ADGRL3: variants seen among roughly 807,000 people sequenced by gnomAD.
ADGRL3 encodes calcium-independent alpha-latrotoxin receptor 3.
A neutral mutation model predicts 153.5 loss-of-function variants in ADGRL3; 62 were observed. That is an observed-to-expected ratio of 0.40 (90% CI 0.33 to 0.50). ADGRL3 has a LOEUF of 0.50. Among genes scored for constraint, ADGRL3 ranks in the 20% least tolerant of loss-of-function variants. The pLI is 0.47. For missense variants in ADGRL3, 1,641 were observed against 1,859.4 expected (o/e 0.88, Z 2.16); for synonymous variants, 710 against 672.5 (o/e 1.06, Z -0.86).
chr4:62,056,734 G>A (rs1420108559), intron 25 of ADGRL3, among the ~76,000 whole-genome samples: 1 of 152,082 alleles, frequency 6.6e-6, no homozygotes, highest in Non-Finnish European at 1.5e-5. Context: ...ATACGTTAAT[G>A]TATATATTAG....
chr4:61,594,991 G>A (rs2098983206), intron 5 of ADGRL3, among the ~76,000 whole-genome samples: 4 of 152,080 alleles, frequency 2.6e-5, no homozygotes, highest in Admixed American at 2.6e-4. Flanking sequence ...CACAACCAAT[G>A]TTCACTTAAA....
At chr4:61,370,819 T>G (rs368272567) in intron 1 of ADGRL3, among the ~76,000 whole-genome samples, 16 of 152,290 alleles carry the variant, frequency 1.1e-4, no homozygotes, top group Admixed American at 2.0e-4. Flanking sequence ...TGTCTAATAT[T>G]GACAGTGGGA....
At chr4:61,356,722 TATC>T (rs939220092) in intron 1 of ADGRL3, among the ~76,000 whole-genome samples, 12 of 152,148 alleles carry the variant, frequency 7.9e-5, no homozygotes, top group Admixed American at 7.2e-4. Context: ...TGCAGTTACT[TATC>T]ATAAACAAAA....
At chr4:61,872,098 T>C (rs2098448819) in intron 9 of ADGRL3, among the ~76,000 whole-genome samples, 1 of 152,192 alleles carries the variant, frequency 6.6e-6, no homozygotes, top group Non-Finnish European at 1.5e-5. Flanking sequence ...TGGCACACAG[T>C]GTATGTTTAG....
At chr4:61,602,065 A>T (rs2099014393) in intron 5 of ADGRL3, among the ~76,000 whole-genome samples, 1 of 145,360 alleles carries the variant, frequency 6.9e-6, no homozygotes, top group Non-Finnish European at 1.6e-5. Context: ...TAGTAAAATA[A>T]GTAAACGGTT....
chr4:61,753,832 C>G (rs111391851), intron 8 of ADGRL3, among the ~76,000 whole-genome samples: 1,533 of 152,242 alleles, frequency 0.01, 43 homozygotes, highest in African/African-American at 0.035. Flanking sequence ...TACTTGACCA[C>G]ATAGGTCCTT....
intron 5 of ADGRL3, among the ~76,000 whole-genome samples, chr4:61,612,868 CT>C (rs2149707607): frequency 6.6e-6 from 1 of 152,200 alleles, no homozygotes; most frequent in East Asian, 1.9e-4. Context: ...ACATTAGGTT[CT>C]AGTAGGTGTA....
chr4:61,699,859 T>C (rs575207115), intron 6 of ADGRL3, among the ~76,000 whole-genome samples: 11 of 152,000 alleles, frequency 7.2e-5, no homozygotes, highest in Admixed American at 7.2e-4. Context: ...TTGCTTAACT[T>C]GGAAAAAAAG....
At chr4:61,674,208 C>T (rs190650065) in intron 5 of ADGRL3, among the ~76,000 whole-genome samples, 1 of 151,206 alleles carries the variant, frequency 6.6e-6, no homozygotes. Flanking sequence ...GTATAGACTC[C>T]AGGTTATGTT....
chr4:61,938,972 C>G (rs754156704), intron 15 of ADGRL3, among the ~76,000 whole-genome samples: 6 of 151,530 alleles, frequency 4.0e-5, no homozygotes, highest in Non-Finnish European at 7.4e-5. Flanking sequence ...ACTATGACTC[C>G]CTCATCTTAG....
In ADGRL3 at chr4:61,680,384, T is replaced by C. The variant is rs553502562; in HGVS notation, c.583+3449T>C. On this transcript the variant is annotated intron_variant, in intron 6 of 26. Transcript: ENST00000683033. ...TAATATTGATGTGTAGAAGAAACTT[T>C]TTTTTAAATTTATACATACTCGTGT... Among the ~76,000 whole-genome samples the C allele has an allele frequency of 1.3e-4, 19 of 150,112 alleles. No individual in the cohort carries two copies. The South Asian group carries it at 2.1e-3, about 17-fold the overall frequency.
chr4:61,932,301 T>A (rs931296138), intron 13 of ADGRL3, among the ~76,000 whole-genome samples: 1 of 152,164 alleles, frequency 6.6e-6, no homozygotes, highest in Non-Finnish European at 1.5e-5. Context: ...TTGTGGAGTA[T>A]GATGTTATCT....
intron 5 of ADGRL3, among the ~76,000 whole-genome samples, chr4:61,675,643 T>TTTTATTTA (rs71213003): frequency 0.63 from 87,565 of 139,470 alleles, 28,186 homozygotes; most frequent in South Asian, 0.78. Context: ...GCTTAGAAAG[T>TTTTATTTA]TTTATTTATT....
At chr4:62,002,776 T>G (rs1018310775) in intron 21 of ADGRL3, among the ~76,000 whole-genome samples, 1 of 152,112 alleles carries the variant, frequency 6.6e-6, no homozygotes, top group African/African-American at 2.4e-5. Flanking sequence ...TCTCATTGAG[T>G]TTCTGACAGG....
chr4:61,618,716 G>C (rs139323369), intron 5 of ADGRL3, among the ~76,000 whole-genome samples: 1 of 152,028 alleles, frequency 6.6e-6, no homozygotes, highest in Non-Finnish European at 1.5e-5. Flanking sequence ...TTCCTTGTTC[G>C]TTTGTTTGTT....
chr4:61,813,240 A>C (rs1185942360), intron 8 of ADGRL3, among the ~76,000 whole-genome samples: 4 of 152,086 alleles, frequency 2.6e-5, no homozygotes, highest in African/African-American at 9.7e-5. Context: ...TACAAATATA[A>C]AATATTAGAT....
chr4:61,379,107 T>G (rs2096638156), intron 1 of ADGRL3, among the ~76,000 whole-genome samples: 1 of 151,912 alleles, frequency 6.6e-6, no homozygotes, highest in Non-Finnish European at 1.5e-5. Flanking sequence ...TAGAGAGAGG[T>G]GGCACAAGAT....
chr4:61,220,099 C>CA (rs1189531559), intron 1 of ADGRL3, among the ~76,000 whole-genome samples: 2 of 102,764 alleles, frequency 1.9e-5, no homozygotes, highest in African/African-American at 8.2e-5. Context: ...GCGACAAGAG[C>CA]AAAAATCTGT....
At chr4:61,416,865 A>C (rs979807221) in intron 2 of ADGRL3, among the ~76,000 whole-genome samples, 1 of 152,160 alleles carries the variant, frequency 6.6e-6, no homozygotes, top group Non-Finnish European at 1.5e-5. Context: ...ATATAATGAA[A>C]TAATTATACT....
Sources: gnomAD v4.1 joint callset for allele counts (sites outside exome capture counted in the v4.1 genomes callset) on GRCh38, gnomAD v4.1.1 for gene constraint, MANE v1.5 for transcripts, NCBI Gene and HGNC (gene_info 2026-07-23, HGNC 2026-07-21) for gene names.